Variants in ZEB1 observed in about 807,000 individuals in gnomAD.
The protein encoded by ZEB1 is zinc finger E-box-binding homeobox 1.
In ZEB1, 21 loss-of-function variants were observed where a neutral mutation model predicts 84.9. The ratio of observed to expected loss-of-function variants is 0.25; its 90% confidence interval spans 0.18 to 0.36. ZEB1 has a LOEUF of 0.36. Ranked by LOEUF, ZEB1 falls within the 10% of genes least tolerant of loss-of-function variation. ZEB1 has a pLI of 1.00. For missense variants in ZEB1, 1,104 were observed against 1,330.2 expected, an observed-to-expected ratio of 0.83 and a Z score of 2.65; for synonymous variants, 420 against 471.1, an observed-to-expected ratio of 0.89 and a Z score of 1.41.
In ZEB1 at chr10:31,361,821, C is replaced by T. The variant is rs546323837; in HGVS notation, c.58+42529C>T. Among the ~76,000 whole-genome samples, 17 of 149,658 alleles carry T rather than the reference C, an allele frequency of 1.1e-4. No homozygotes were observed. In the South Asian group the frequency reaches 3.4e-3, roughly 30 times the overall value. The stretch of plus-strand genomic sequence containing the variant: ...AGGACGGCAGCAGGGCAGAGGCGCT[C>T]CTCATTTCCCAGACGGTGAGGAGGC... On this transcript the variant is annotated intron_variant, in intron 1 of 8. Transcript: ENST00000424869.
intron 1 of ZEB1, among the ~76,000 whole-genome samples, chr10:31,338,519 T>C (rs2038688200): frequency 6.6e-6 from 1 of 152,198 alleles, no homozygotes; most frequent in African/African-American, 2.4e-5. Context: ...AAGAGGAGTA[T>C]GTCATCTATT....
chr10:31,343,731 C>T (rs554287525), intron 1 of ZEB1, among the ~76,000 whole-genome samples: 1 of 151,968 alleles, frequency 6.6e-6, no homozygotes, highest in Non-Finnish European at 1.5e-5. Flanking sequence ...TTTGGTGGCT[C>T]TCTATTCTCT....
chr10:31,504,078 T>C (rs1344077841), intron 4 of ZEB1, among the ~76,000 whole-genome samples: 1 of 142,612 alleles, frequency 7.0e-6, no homozygotes, highest in Admixed American at 6.7e-5. Flanking sequence ...TTTCTTCTAG[T>C]TTTATGGTGT....
At chr10:31,438,947 A>C (rs1276549735) in intron 1 of ZEB1, among the ~76,000 whole-genome samples, 1 of 152,238 alleles carries the variant, frequency 6.6e-6, no homozygotes, top group Non-Finnish European at 1.5e-5. Context: ...TCAGTTTTCT[A>C]AAGTTTGCCA....
intron 1 of ZEB1, among the ~76,000 whole-genome samples, chr10:31,334,839 G>A (rs1019140674): frequency 4.0e-5 from 6 of 151,834 alleles, no homozygotes; most frequent in African/African-American, 2.4e-5. Context: ...GGCCCAAGAA[G>A]TAATAGAAAA....
intron 2 of ZEB1, among the ~76,000 whole-genome samples, chr10:31,467,737 C>T (rs1489719949): frequency 6.6e-6 from 1 of 152,158 alleles, no homozygotes; most frequent in African/African-American, 2.4e-5. Flanking sequence ...GAGGAACCCC[C>T]ACTGTCAGAA....
chr10:31,480,072 A>T (rs1284802128), intron 2 of ZEB1, among the ~76,000 whole-genome samples: 2 of 152,006 alleles, frequency 1.3e-5, no homozygotes, highest in Admixed American at 1.3e-4. Flanking sequence ...AAACATATAT[A>T]AAACTGATCT....
intron 1 of ZEB1, among the ~76,000 whole-genome samples, chr10:31,390,636 C>G (rs901872348): frequency 6.6e-6 from 1 of 152,096 alleles, no homozygotes; most frequent in African/African-American, 2.4e-5. Flanking sequence ...TTGGCCATTT[C>G]AAGGTATTTT....
intron 1 of ZEB1, among the ~76,000 whole-genome samples, chr10:31,357,936 C>T (rs1175257062): frequency 6.6e-6 from 1 of 152,058 alleles, no homozygotes; most frequent in Admixed American, 6.6e-5. Flanking sequence ...GTGTTTCCTC[C>T]TTCAGATCCA....
intron 1 of ZEB1, among the ~76,000 whole-genome samples, chr10:31,448,908 A>G (rs904348776): frequency 6.6e-6 from 1 of 152,164 alleles, no homozygotes; most frequent in Non-Finnish European, 1.5e-5. Flanking sequence ...CTACAGAGGC[A>G]GGCAGGCCTC....
intron 1 of ZEB1, among the ~76,000 whole-genome samples, chr10:31,387,421 C>A (rs1325819962): frequency 1.3e-5 from 2 of 152,074 alleles, no homozygotes; most frequent in East Asian, 3.9e-4. Context: ...TCAAGAGGTG[C>A]TTTTCGTTAT....
intron 1 of ZEB1, among the ~76,000 whole-genome samples, chr10:31,326,503 G>A (rs1369074428): frequency 6.6e-6 from 1 of 152,110 alleles, no homozygotes; most frequent in African/African-American, 2.4e-5. Context: ...AAAATGAAGT[G>A]GAATAATTTT....
chr10:31,387,328 G>A, intron 1 of ZEB1: 1 of 985,334 alleles, frequency 1.0e-6, no homozygotes, highest in Non-Finnish European at 1.2e-6. Context: ...GACTGGTTTT[G>A]GAATGCTCCA....
intron 2 of ZEB1, among the ~76,000 whole-genome samples, chr10:31,463,291 AC>A (rs1185280148): frequency 6.6e-6 from 1 of 152,158 alleles, no homozygotes; most frequent in Non-Finnish European, 1.5e-5. Context: ...ATTTGAACTA[AC>A]CCTTTTTACT....
chr10:31,379,225 C>T (rs546052534), intron 1 of ZEB1, among the ~76,000 whole-genome samples: 2 of 151,976 alleles, frequency 1.3e-5, no homozygotes, highest in Non-Finnish European at 2.9e-5. Context: ...CAGAAGGCAG[C>T]ATGCTTTTGT....
chr10:31,334,055 G>GGT (rs2037434995), intron 1 of ZEB1, among the ~76,000 whole-genome samples: 1 of 151,966 alleles, frequency 6.6e-6, no homozygotes, highest in African/African-American at 2.4e-5. Flanking sequence ...AACTAGGACT[G>GGT]CAGAAGAAAT....
intron 1 of ZEB1, among the ~76,000 whole-genome samples, chr10:31,403,011 T>TA (rs1353208113): frequency 6.6e-6 from 1 of 152,240 alleles, no homozygotes; most frequent in Non-Finnish European, 1.5e-5. Flanking sequence ...TCAGTACAAA[T>TA]ATAATAATGT....
intron 5 of ZEB1, among the ~76,000 whole-genome samples, chr10:31,513,696 A>C (rs2070532782): frequency 6.6e-6 from 1 of 152,200 alleles, no homozygotes; most frequent in Non-Finnish European, 1.5e-5. Flanking sequence ...AGTCAAAATT[A>C]TGGGAAAACA....
Position 31,372,996 on chromosome 10 carries a change from TA to T in ZEB1, c.58+53706del, listed in dbSNP as rs2045978466. On this transcript the variant is annotated intron_variant, in intron 1 of 8. Transcript: ENST00000424869. ...TCAGTTGGTGGGTGTGGGAACAACT[TA>T]ATAAAGTTTGGGTAATTTAGTTTTC... 8.1e-6 allele frequency: 8 copies of T among 985,150 alleles called. No individual in the cohort carries two copies. In the South Asian group the frequency reaches 2.8e-4, roughly 35 times the overall value. The allele number at this position is 985,150 out of a possible 1,614,324, so 61.0% of individuals were successfully genotyped here. A position where few individuals can be genotyped will look rare whatever the true frequency, so the allele number is the denominator to read the frequency against.
Sources: gnomAD v4.1 joint callset for allele counts (sites outside exome capture counted in the v4.1 genomes callset) on GRCh38, gnomAD v4.1.1 for gene constraint, MANE v1.5 for transcripts, NCBI Gene and HGNC (gene_info 2026-07-23, HGNC 2026-07-21) for gene names.